The following RIMBP2 variants were observed in gnomAD, a reference collection of about 807,000 sequenced individuals.
The protein encoded by RIMBP2 is RIMS binding protein 2.
A neutral mutation model predicts 118.6 loss-of-function variants in RIMBP2; 48 were observed. The observed-to-expected ratio is 0.40, with a 90% confidence interval of 0.32 to 0.51. RIMBP2 has a LOEUF of 0.51. RIMBP2 is among the 20% of genes least tolerant of loss of function. The pLI is 0.41. For missense variants in RIMBP2, 1,551 were observed against 1,768.3 expected (o/e 0.88, Z 2.20); for synonymous variants, 762 against 742.9 (o/e 1.03, Z -0.42).
chr12:130,424,060 C>T lies in RIMBP2; in HGVS notation c.3129+82G>A. 5 of 757,248 alleles carry T rather than the reference C, an allele frequency of 6.6e-6. No individual in the cohort carries two copies. Among genetic ancestry groups the T allele is most frequent in the Non-Finnish European group, 9.0e-6 (5 of 554,452 alleles). 46.9% of individuals were successfully genotyped at this position (757,248 alleles called of 1,614,324 possible). ...GCAAGAGAGTCCCCAGGGATGGACACCAGAACAAACAGAAAACCAGTGAAA... is the reference window on the plus strand; with the variant it reads ...GCAAGAGAGTCCCCAGGGATGGACATCAGAACAAACAGAAAACCAGTGAAA... On this transcript the variant is annotated intron_variant, in intron 16 of 22. Transcript: ENST00000690449. The surrounding 1 kb of genome is among the most constrained non-coding windows in gnomAD (Gnocchi z 9.8).
At chr12:130,438,247 C>G (rs1387676870) in intron 12 of RIMBP2, 118 bp downstream of exon 12, 2 of 1,151,626 alleles carry the variant, frequency 1.7e-6, no homozygotes, top group East Asian at 5.0e-5. Flanking sequence ...GTTGAGGGTG[C>G]CTCCAGTGAT....
At position 130,450,037 on chromosome 12, in the gene RIMBP2, T is replaced by A. The variant is rs112759987; in HGVS notation, c.581+163A>T. On this transcript the variant is annotated intron_variant, in intron 9 of 22. Coordinates refer to ENST00000690449, the MANE Select transcript of RIMBP2 (RefSeq NM_001393629.1). The surrounding 1 kb of genome is among the most constrained non-coding windows in gnomAD (Gnocchi z 4.8). The stretch of plus-strand genomic sequence containing the variant: ...TGGGAGACTTGCGTGCCACCCAAAC[T>A]CTCTCCACCGAACCCTGCTCAGCCT... Among the ~76,000 whole-genome samples the A allele has an allele frequency of 7.2e-3, 1,093 of 151,758 alleles. 12 individuals carry two copies. The highest frequency in any genetic ancestry group is 0.024 in the African/African-American group (991 of 41,394).
At chr12:130,535,736 T>TATAC (rs1284822948) in intron 2 of RIMBP2, among the ~76,000 whole-genome samples, 4 of 17,920 alleles carry the variant, frequency 2.2e-4, no homozygotes, top group African/African-American at 4.3e-4. Flanking sequence ...TACATATATA[T>TATAC]ACATATATAT....
At chr12:130,401,800 T>C (rs537761864) in intron 21 of RIMBP2, among the ~76,000 whole-genome samples, 1 of 152,292 alleles carries the variant, frequency 6.6e-6, no homozygotes, top group South Asian at 2.1e-4. Flanking sequence ...CAGATTTCTC[T>C]GCCAGCCTTA....
chr12:130,529,261 T>C (rs1359090447), intron 2 of RIMBP2, among the ~76,000 whole-genome samples: 3 of 152,044 alleles, frequency 2.0e-5, no homozygotes, highest in Admixed American at 6.6e-5. Flanking sequence ...AAAAATGACA[T>C]GCTGATTCAC....
Position 130,447,049 on chromosome 12 carries a change from A to G in RIMBP2, c.582-1780T>C, listed in dbSNP as rs1265424321. On this transcript the variant is annotated intron_variant, in intron 9 of 22. Transcript: ENST00000690449. This position sits in a 1 kb window ranked among gnomAD's most constrained non-coding sequence, Gnocchi z 4.4. Reference sequence around the variant, plus strand: ...GTCTGGATGGGTAGATGGCCGAGACACAGAAGCTGGCAGAGTGTTCTCGGA... The same window carrying G: ...GTCTGGATGGGTAGATGGCCGAGACGCAGAAGCTGGCAGAGTGTTCTCGGA... Among the ~76,000 whole-genome samples the G allele has an allele frequency of 1.3e-5, 2 of 150,780 alleles. No homozygotes were observed. Among genetic ancestry groups the G allele is most frequent in the African/African-American group, 4.9e-5 (2 of 40,838 alleles).
At chr12:130,528,898 G>T (rs73452780) in intron 2 of RIMBP2, among the ~76,000 whole-genome samples, 1,821 of 152,244 alleles carry the variant, frequency 0.012, 37 homozygotes, top group African/African-American at 0.041. Flanking sequence ...ACAGTTTAGT[G>T]GTTCCCTAAA....
In RIMBP2 at chr12:130,441,401, AAATAATAATAATAATAAT is replaced by A. The variant is rs58605863; in HGVS notation, c.1504+429_1504+446del. 2.2e-3 allele frequency among the ~76,000 whole-genome samples: 272 copies of A among 122,894 alleles called. 1 individual carries two copies. The highest frequency in any genetic ancestry group is 6.2e-3 in the African/African-American group (218 of 34,916). The allele number at this position is 122,894 out of a possible 152,430, so 80.6% of individuals were successfully genotyped here. A position where few individuals can be genotyped will look rare whatever the true frequency, so the allele number is the denominator to read the frequency against. On this transcript the variant is annotated intron_variant, in intron 11 of 22. Transcript: ENST00000690449. ...GGGTGACAGAGCGAGACTCCATCTC[AAATAATAATAATAATAAT>A]AATAATAATAATAATAATAATAATA...
At chr12:130,535,387 C>G (rs375422053) in intron 2 of RIMBP2, among the ~76,000 whole-genome samples, 13 of 151,928 alleles carry the variant, frequency 8.6e-5, no homozygotes, top group African/African-American at 2.9e-4. Flanking sequence ...TGGTGGCACA[C>G]ATCTGCAGTC....
At chr12:130,661,556 C>A (rs2063663545) in intron 1 of RIMBP2, among the ~76,000 whole-genome samples, 1 of 152,200 alleles carries the variant, frequency 6.6e-6, no homozygotes, top group South Asian at 2.1e-4. Context: ...CCGCTGACAA[C>A]TGTCTAGTGA....
intron 22 of RIMBP2, chr12:130,399,227 G>T: frequency 2.2e-6 from 2 of 915,714 alleles, no homozygotes; most frequent in Non-Finnish European, 2.9e-6. Flanking sequence ...AGAAAAACTT[G>T]CAGTGATGAA....
rs553163314 is a variant in RIMBP2 at position 130,573,733 on chromosome 12, GA to G, written c.-217+54588del. ...AGTGGGGCAGGAGGGTGCAAGTGGA[GA>G]AACGCAGGAAGCCAAGTCAGCATGA... is the stretch of plus-strand genomic sequence containing the variant. On this transcript the variant is annotated intron_variant, in intron 2 of 22. Coordinates refer to ENST00000690449, the MANE Select transcript of RIMBP2 (RefSeq NM_001393629.1). Among the ~76,000 whole-genome samples the G allele has an allele frequency of 1.4e-4, 21 of 152,196 alleles. No homozygotes were observed. The East Asian group carries it at 4.1e-3, about 29-fold the overall frequency.
intron 6 of RIMBP2, among the ~76,000 whole-genome samples, chr12:130,458,605 C>A (rs1040162697): frequency 3.3e-5 from 5 of 152,220 alleles, no homozygotes; most frequent in African/African-American, 1.2e-4. Flanking sequence ...GCCAACGAAC[C>A]CCCAGGCACC....
chr12:130,504,561 A>G (rs1376872802), intron 4 of RIMBP2, among the ~76,000 whole-genome samples: 1 of 152,150 alleles, frequency 6.6e-6, no homozygotes, highest in Non-Finnish European at 1.5e-5. Context: ...TGGAAAGGCA[A>G]GGAATGAATT....
intron 1 of RIMBP2, among the ~76,000 whole-genome samples, chr12:130,659,431 C>T (rs1336472824): frequency 1.4e-5 from 2 of 148,020 alleles, no homozygotes; most frequent in African/African-American, 4.9e-5. Context: ...ATTAGCCAGG[C>T]GTGGTGGTGG....
chr12:130,538,295 GA>G (rs35801626), intron 2 of RIMBP2, among the ~76,000 whole-genome samples: 1 of 151,076 alleles, frequency 6.6e-6, no homozygotes, highest in East Asian at 2.0e-4. Context: ...CTTCACAGTG[GA>G]AAAAAAAATC....
rs147262074 is a variant in RIMBP2, at chr12:130,422,533, C to T, written c.3158G>A (p.Arg1053Gln). ...AAACCTCCGGCCCATGTGATCCACC[C>T]GTCCTGCAGAGGCTGGGTTCCCTAA... ...LILGNPASAG[R>Q]VDHMGRRFPR... The change falls in exon 17 of 23, where the codon CGG (arginine) becomes CAG (glutamine). Residue 1053 changes from arginine to glutamine, a missense_variant. Around this residue, in one of 5 missense-constraint regions of RIMBP2, gnomAD observed 1,038 missense variants for 1,125.1 expected, o/e 0.92. Coordinates refer to ENST00000690449, the MANE Select transcript of RIMBP2 (RefSeq NM_001393629.1). The surrounding 1 kb of genome is among the most constrained non-coding windows in gnomAD (Gnocchi z 5.2). 79 of 1,611,428 alleles carry T rather than the reference C, an allele frequency of 4.9e-5. No homozygotes were observed. Among genetic ancestry groups the T allele is most frequent in the East Asian group, 2.7e-4 (12 of 44,848 alleles).
chr12:130,467,336 T>A (rs1593409826), intron 6 of RIMBP2, among the ~76,000 whole-genome samples: 1 of 152,234 alleles, frequency 6.6e-6, no homozygotes, highest in Admixed American at 6.5e-5. Context: ...TTGTAAAACC[T>A]AAGATCAGTT....
chr12:130,524,789 A>G (rs2052587560), intron 2 of RIMBP2, among the ~76,000 whole-genome samples: 1 of 152,212 alleles, frequency 6.6e-6, no homozygotes. Flanking sequence ...GAAAGCAGAA[A>G]GAGGAAGGCG....
Sources: allele counts gnomAD v4.1 joint callset (sites outside exome capture counted in the v4.1 genomes callset), GRCh38; gene constraint gnomAD v4.1.1; regional missense constraint gnomAD v4.1.1; non-coding constraint Gnocchi (gnomAD v3.1); transcripts MANE v1.5; gene names NCBI Gene and HGNC (gene_info 2026-07-23, HGNC 2026-07-21).